The following EIF4A2 variants were observed in gnomAD, a reference collection of about 807,000 sequenced individuals.
EIF4A2 encodes the protein eukaryotic translation initiation factor 4A2.
In EIF4A2, 9 loss-of-function variants were observed where a neutral mutation model predicts 50.6. The observed-to-expected ratio is 0.18, with a 90% CI of 0.11 to 0.31. EIF4A2 has a LOEUF of 0.31. EIF4A2 is among the 10% of genes least tolerant of loss of function. The pLI is 1.00. For missense variants in EIF4A2, 182 were observed against 501.8 expected (o/e 0.36, Z 6.09); for synonymous variants, 215 against 164.4 (o/e 1.31, Z -2.35).
chr3:186,787,412 G>A (rs988232643), intron 8 of EIF4A2, 83 bp from the exon 9 acceptor site: 1 of 1,607,974 alleles, frequency 6.2e-7, no homozygotes, highest in African/African-American at 1.3e-5. Flanking sequence ...TAGCAGCCAG[G>A]GACGCTTGGT....
intron 1 of EIF4A2, chr3:186,784,011 C>A: frequency 2.4e-6 from 1 of 421,916 alleles, no homozygotes; most frequent in Non-Finnish European, 4.3e-6. Context: ...GGGGAGGGTC[C>A]TAGGCTTTAC....
chr3:186,789,721 TTTGTTTGGTA>T lies in EIF4A2; in HGVS notation c.*457_*466del. 1 of 398,764 alleles carries T rather than the reference TTTGTTTGGTA, an allele frequency of 2.5e-6. No individual in the cohort carries two copies. The allele number at this position is 398,764 out of a possible 1,614,324, so 24.7% of individuals were successfully genotyped here. A position where few individuals can be genotyped will look rare whatever the true frequency, so the allele number is the denominator to read the frequency against. On this transcript the variant is annotated 3_prime_UTR_variant, in exon 11 of 11. Coordinates refer to ENST00000323963, the MANE Select transcript of EIF4A2 (RefSeq NM_001967.4). ...TTTTTTAGAAAGCATTTGAATGCAT[TTTGTTTGGTA>T]TTGTATTTATTCAATAAAGTATTTA...
At chr3:186,784,186 C>T (rs901297200) in intron 1 of EIF4A2, 38 of 582,224 alleles carry the variant, frequency 6.5e-5, no homozygotes, top group Non-Finnish European at 8.7e-5. Flanking sequence ...GCTCCGAGCT[C>T]TCGCGAGACG....
At chr3:186,788,007 T>C in intron 10 of EIF4A2, 125 bp downstream of exon 10, 9 of 1,051,160 alleles carry the variant, frequency 8.6e-6, no homozygotes, top group African/African-American at 1.6e-5. Context: ...AGTAAGATGA[T>C]GTAATTAAAT....
chr3:186,783,942 G>A, intron 1 of EIF4A2: 1 of 498,360 alleles, frequency 2.0e-6, no homozygotes, highest in East Asian at 3.4e-5. Flanking sequence ...GGCGCAGTCC[G>A]AGTTCGGTAC....
intron 10 of EIF4A2, 56 bp from the exon 11 acceptor site, chr3:186,789,069 T>C: frequency 6.3e-7 from 1 of 1,577,214 alleles, no homozygotes; most frequent in Non-Finnish European, 8.6e-7. Flanking sequence ...GATCGTCATG[T>C]TCAGTAGTTT....
Position 186,785,119 on chromosome 3 carries a change from C to T in EIF4A2, c.348+18C>T. The T allele has an allele frequency of 1.2e-6, 2 of 1,610,128 alleles. No individual in the cohort carries two copies. Among genetic ancestry groups the T allele is most frequent in the Non-Finnish European group, 1.7e-6 (2 of 1,178,480 alleles). On this transcript the variant is annotated intron_variant, in intron 4 of 10. Transcript: ENST00000323963. ...CTCAACAGGTATTGATAGTGTAGTT[C>T]AAAAAAACTGCTTGCGTGTTGCATA...
chr3:186,785,900 G>C lies in EIF4A2; in HGVS notation c.366G>C (p.Leu122=). The change falls in exon 5 of 11, where the codon CTG becomes CTC. Residue 122 remains leucine, a synonymous_variant. Transcript: ENST00000323963. ...ELAQQIQKVI[L]ALGDYMGATC... ...GGTTTTAGATCCAAAAGGTAATTCT[G>C]GCACTTGGAGACTATATGGGAGCCA... 6.3e-7 allele frequency: 1 copy of C among 1,591,154 alleles called. No individual in the cohort carries two copies. Among genetic ancestry groups the C allele is most frequent in the Non-Finnish European group, 8.6e-7 (1 of 1,161,574 alleles).
In EIF4A2 at chr3:186,789,656, T is replaced by TTG; in HGVS notation, c.*391_*392dup. 2.9e-6 allele frequency: 1 copy of TTG among 347,938 alleles called. No homozygotes were observed. Among genetic ancestry groups the TTG allele is most frequent in the Non-Finnish European group, 5.2e-6 (1 of 191,120 alleles). The allele number at this position is 347,938 out of a possible 1,614,324, so 21.6% of individuals were successfully genotyped here. Reference sequence around the variant, plus strand: ...TGTTAAACTAGCATATCTGCCTTTATTGTGTTTGTCATTAGCCTGAGTAGA... The same window carrying TTG: ...TGTTAAACTAGCATATCTGCCTTTATTGTGTGTTTGTCATTAGCCTGAGTAGA... On this transcript the variant is annotated 3_prime_UTR_variant, in exon 11 of 11. Transcript: ENST00000323963.
chr3:186,785,675 C>T (rs1721658741), intron 4 of EIF4A2: 8 of 538,904 alleles, frequency 1.5e-5, no homozygotes, highest in Non-Finnish European at 2.3e-5. Context: ...GGAGCAGCAG[C>T]ATCCCAAGTT....
rs1259894971 is a variant in EIF4A2, at chr3:186,785,080, C to T, written c.327C>T (p.Pro109=). 2 of 1,614,006 alleles carry T rather than the reference C, an allele frequency of 1.2e-6. No homozygotes were observed. Among genetic ancestry groups the T allele is most frequent in the African/African-American group, 1.3e-5 (1 of 74,906 alleles). Residue 109 remains proline (P), a synonymous_variant, in exon 4 of 11, where the codon CCC becomes CCT. Coordinates refer to ENST00000323963, the MANE Select transcript of EIF4A2 (RefSeq NM_001967.4). The part of the protein sequence containing the change: ...FKETQALVLA[P]TRELAQQIQK... ...AGACCCAAGCACTAGTATTGGCCCCCACCAGAGAACTGGCTCAACAGGTAT... is the reference window on the plus strand; with the variant it reads ...AGACCCAAGCACTAGTATTGGCCCCTACCAGAGAACTGGCTCAACAGGTAT...
In EIF4A2 at chr3:186,784,713, T is replaced by A; in HGVS notation, c.208+17T>A. On this transcript the variant is annotated intron_variant, in intron 3 of 10. Transcript: ENST00000323963. ...GTATTAAAGGTAAAAGAAACTGGCA[T>A]TTTTAGGAAATTGTTCTACATAGAC... The A allele has an allele frequency of 6.2e-7, 1 of 1,611,984 alleles. No homozygotes were observed. Among genetic ancestry groups the A allele is most frequent in the Middle Eastern group, 1.7e-4 (1 of 6,056 alleles).
At chr3:186,787,319 A>G (rs373250339) in intron 8 of EIF4A2, 55 bp downstream of exon 8, 14 of 1,613,758 alleles carry the variant, frequency 8.7e-6, no homozygotes, top group East Asian at 4.5e-5. Context: ...TCAGACTACA[A>G]TATAGCTGCT....
At chr3:186,788,444 G>C (rs1254168876) in intron 10 of EIF4A2, 1 of 1,231,834 alleles carries the variant, frequency 8.1e-7, no homozygotes, top group Non-Finnish European at 1.0e-6. Flanking sequence ...TTTTTCTTTT[G>C]TCATGATTAT....
At position 186,789,410 on chromosome 3, in the gene EIF4A2, A is replaced by G; in HGVS notation, c.*141A>G. 8.0e-7 allele frequency: 1 copy of G among 1,255,312 alleles called. No individual in the cohort carries two copies. The allele number at this position is 1,255,312 out of a possible 1,614,324, so 77.8% of individuals were successfully genotyped here. A position where few individuals can be genotyped will look rare whatever the true frequency, so the allele number is the denominator to read the frequency against. On this transcript the variant is annotated 3_prime_UTR_variant, in exon 11 of 11. Coordinates refer to ENST00000323963, the MANE Select transcript of EIF4A2 (RefSeq NM_001967.4). ...ATCAGAAATACAGATTTTGATAGCAAAGCGACGTTAGTCGTGAGCTCTTGT... is the reference window on the plus strand; with the variant it reads ...ATCAGAAATACAGATTTTGATAGCAGAGCGACGTTAGTCGTGAGCTCTTGT...
In EIF4A2 at chr3:186,789,489, A is replaced by G. The variant is rs1354225538; in HGVS notation, c.*220A>G. 1.1e-5 allele frequency: 5 copies of G among 466,774 alleles called. No homozygotes were observed. The East Asian group carries it at 1.8e-4, about 17-fold the overall frequency. 28.9% of individuals were successfully genotyped at this position (466,774 alleles called of 1,614,324 possible). A position where few individuals can be genotyped will look rare whatever the true frequency, so the allele number is the denominator to read the frequency against. On this transcript the variant is annotated 3_prime_UTR_variant, in exon 11 of 11. Coordinates refer to ENST00000323963, the MANE Select transcript of EIF4A2 (RefSeq NM_001967.4). ...AGAGTTAGACTGTTGGGGTGGGTATAAAAGATGGGGTCTGTAAAATCTTTC... is the reference window on the plus strand; with the variant it reads ...AGAGTTAGACTGTTGGGGTGGGTATGAAAGATGGGGTCTGTAAAATCTTTC...
Position 186,789,725 on chromosome 3 carries a change from TTTGG to T in EIF4A2, c.*458_*461del. 1 of 407,830 alleles carries T rather than the reference TTTGG, an allele frequency of 2.5e-6. No homozygotes were observed. Among genetic ancestry groups the T allele is most frequent in the Non-Finnish European group, 4.4e-6 (1 of 228,540 alleles). 25.3% of individuals were successfully genotyped at this position (407,830 alleles called of 1,614,324 possible). ...TTAGAAAGCATTTGAATGCATTTTG[TTTGG>T]TATTGTATTTATTCAATAAAGTATT... On this transcript the variant is annotated 3_prime_UTR_variant, in exon 11 of 11. Transcript: ENST00000323963.
In EIF4A2 at chr3:186,784,396, G is replaced by A. The variant is rs766856551; in HGVS notation, c.30-36G>A. 2.5e-6 allele frequency: 4 copies of A among 1,614,068 alleles called. No homozygotes were observed. The South Asian group carries it at 3.3e-5, about 13-fold the overall frequency. On this transcript the variant is annotated intron_variant, in intron 1 of 10. Coordinates refer to ENST00000323963, the MANE Select transcript of EIF4A2 (RefSeq NM_001967.4). The stretch of plus-strand genomic sequence containing the variant: ...GCTTAAGGTGCAGTTGAGGTGGCCT[G>A]GAAGGGGTGTCTGACTGCAGTATTC...
At chr3:186,787,300 A>G (rs1307106957) in intron 8 of EIF4A2, 36 bp downstream of exon 8, 2 of 1,613,874 alleles carry the variant, frequency 1.2e-6, no homozygotes, top group African/African-American at 2.7e-5. Flanking sequence ...ATTTCCACTA[A>G]AGCAGGATTC....
Sources: allele counts gnomAD v4.1 joint callset, GRCh38; gene constraint gnomAD v4.1.1; transcripts MANE v1.5; gene names NCBI Gene and HGNC (gene_info 2026-07-23, HGNC 2026-07-21).